Variants in HTR1F observed in about 807,000 individuals in gnomAD.
The protein encoded by HTR1F is 5-hydroxytryptamine receptor 1F.
In HTR1F, 17 loss-of-function variants were observed where a neutral mutation model predicts 24.0. The observed-to-expected ratio is 0.71, with a 90% CI of 0.48 to 1.06. The LOEUF is 1.06. HTR1F is among the 50% of genes least tolerant of loss of function. HTR1F has a pLI of 0.00. For synonymous variants in HTR1F, 186 were observed against 156.8 expected, an observed-to-expected ratio of 1.19 and a Z score of -1.39; for missense variants, 391 against 427.8, an observed-to-expected ratio of 0.91 and a Z score of 0.76.
chr3:87,929,983 T>C (rs1704222187), intron 2 of HTR1F, among the ~76,000 whole-genome samples: 1 of 152,196 alleles, frequency 6.6e-6, no homozygotes, highest in Admixed American at 6.5e-5. Context: ...CTTTGAGCAG[T>C]GTTTTGTAGT....
chr3:87,944,751 T>G (rs1173829199), intron 2 of HTR1F, among the ~76,000 whole-genome samples: 1 of 152,240 alleles, frequency 6.6e-6, no homozygotes, highest in Admixed American at 6.5e-5. Flanking sequence ...TGAGGTTTCC[T>G]CTAAAAGTTA....
intron 2 of HTR1F, among the ~76,000 whole-genome samples, chr3:87,877,788 C>G (rs1553670072): frequency 6.6e-6 from 1 of 152,112 alleles, no homozygotes; most frequent in African/African-American, 2.4e-5. Context: ...CAGGCTTGCA[C>G]AGAAGAAGAA....
chr3:87,792,706 G>T lies in HTR1F; in HGVS notation c.-296G>T, dbSNP rs993561580. ...GGGCGGCGCAAGACTTCCCCAGCGC[G>T]CAGTCAGCGTCGCGGCCCCGAAAGC... On this transcript the variant is annotated 5_prime_UTR_variant, in exon 1 of 3. Coordinates refer to ENST00000319595, the MANE Select transcript of HTR1F (RefSeq NM_001322209.2). Among the ~76,000 whole-genome samples, 2 of 152,226 alleles carry T rather than the reference G, an allele frequency of 1.3e-5. No homozygotes were observed. Among genetic ancestry groups the T allele is most frequent in the African/African-American group, 4.8e-5 (2 of 41,462 alleles).
intron 2 of HTR1F, among the ~76,000 whole-genome samples, chr3:87,839,101 T>G (rs1031023772): frequency 6.6e-6 from 1 of 151,846 alleles, no homozygotes; most frequent in African/African-American, 2.4e-5. Flanking sequence ...CTTTGATTGC[T>G]TGTGCATTTG....
chr3:87,960,692 G>A (rs1223856571), intron 2 of HTR1F, among the ~76,000 whole-genome samples: 1 of 151,924 alleles, frequency 6.6e-6, no homozygotes, highest in Admixed American at 6.6e-5. Context: ...CATGGTAAGT[G>A]CACAACAAAG....
At position 87,840,032 on chromosome 3, in the gene HTR1F, T is replaced by C. The variant is rs527653616; in HGVS notation, c.-43+17908T>C. Reference sequence around the variant, plus strand: ...CCGATGGACAGATGGAAACTTAGGTTGATTCCATGCCTTCACTATTGTGAT... The same window carrying C: ...CCGATGGACAGATGGAAACTTAGGTCGATTCCATGCCTTCACTATTGTGAT... On this transcript the variant is annotated intron_variant, in intron 2 of 2. Coordinates refer to ENST00000319595, the MANE Select transcript of HTR1F (RefSeq NM_001322209.2). Among the ~76,000 whole-genome samples, 7 of 152,312 alleles carry C rather than the reference T, an allele frequency of 4.6e-5. 1 individual carries two copies. The highest frequency in any genetic ancestry group is 1.7e-4 in the African/African-American group (7 of 41,586).
Position 87,868,056 on chromosome 3 carries a change from C to T in HTR1F, c.-43+45932C>T, listed in dbSNP as rs549831155. 3.4e-3 allele frequency among the ~76,000 whole-genome samples: 520 copies of T among 152,128 alleles called. 4 individuals are homozygous for T. Among genetic ancestry groups the T allele is most frequent in the Middle Eastern group, 0.01 (3 of 294 alleles). On this transcript the variant is annotated intron_variant, in intron 2 of 2. Coordinates refer to ENST00000319595, the MANE Select transcript of HTR1F (RefSeq NM_001322209.2). ...TTTTGTGTTTTCCTCCCTGTTATTT[C>T]TTAATGCACTACTAACAGTTGTCTC...
chr3:87,990,665 T>C, intron 2 of HTR1F, 43 bp from the exon 3 acceptor site: 1 of 984,132 alleles, frequency 1.0e-6, no homozygotes, highest in African/African-American at 1.6e-5. Context: ...AGAAAAGTTC[T>C]TGAAGCCTTC....
intron 2 of HTR1F, among the ~76,000 whole-genome samples, chr3:87,847,786 C>A (rs1469395537): frequency 2.6e-5 from 4 of 151,960 alleles, no homozygotes; most frequent in Non-Finnish European, 5.9e-5. Flanking sequence ...TGAGGGAAGG[C>A]AGGCAGTATT....
At chr3:87,869,410 T>C (rs1417467783) in intron 2 of HTR1F, among the ~76,000 whole-genome samples, 3 of 141,378 alleles carry the variant, frequency 2.1e-5, no homozygotes, top group Admixed American at 1.4e-4. Flanking sequence ...GATAGATAGA[T>C]AGATAGATAG....
At chr3:87,885,575 A>C (rs1705919657) in intron 2 of HTR1F, among the ~76,000 whole-genome samples, 4 of 151,192 alleles carry the variant, frequency 2.6e-5, no homozygotes, top group Admixed American at 2.6e-4. Flanking sequence ...GAAACAATCA[A>C]CAAAATTGAT....
chr3:87,912,913 C>T (rs554569377), intron 2 of HTR1F, among the ~76,000 whole-genome samples: 1 of 152,190 alleles, frequency 6.6e-6, no homozygotes, highest in South Asian at 2.1e-4. Context: ...TGGACCCCTT[C>T]CTTATGCCAC....
intron 2 of HTR1F, among the ~76,000 whole-genome samples, chr3:87,895,826 C>T (rs1228107106): frequency 2.0e-5 from 3 of 152,054 alleles, no homozygotes; most frequent in Admixed American, 6.6e-5. Context: ...TCTTTCTAAT[C>T]GTTCATAACA....
intron 2 of HTR1F, among the ~76,000 whole-genome samples, chr3:87,831,653 C>T (rs1451102056): frequency 1.3e-5 from 2 of 152,058 alleles, no homozygotes; most frequent in East Asian, 1.9e-4. Context: ...TGAGCCACTG[C>T]GCCCGGCCCA....
intron 2 of HTR1F, among the ~76,000 whole-genome samples, chr3:87,923,788 A>G (rs1295635648): frequency 3.3e-5 from 5 of 152,048 alleles, no homozygotes; most frequent in Non-Finnish European, 7.4e-5. Flanking sequence ...TATGTGATAT[A>G]TCACATTTAT....
At chr3:87,935,447 T>G (rs1468521104) in intron 2 of HTR1F, among the ~76,000 whole-genome samples, 2 of 151,412 alleles carry the variant, frequency 1.3e-5, no homozygotes, top group Non-Finnish European at 2.9e-5. Flanking sequence ...TCCACCAGGG[T>G]GAGGCTTCTG....
Position 87,802,272 on chromosome 3 carries a change from T to A in HTR1F, c.-160+9430T>A, listed in dbSNP as rs182320685. Among the ~76,000 whole-genome samples the A allele has an allele frequency of 3.6e-5, 2 of 56,288 alleles. 1 individual carries two copies. Among genetic ancestry groups the A allele is most frequent in the African/African-American group, 3.1e-4 (2 of 6,474 alleles). The allele number at this position is 56,288 out of a possible 152,430, so 36.9% of individuals were successfully genotyped here. ...TCCTTCCTTCTTTTTCTTTCTTTCC[T>A]TCCCTTCTTCCCTCCCTCCCTCCCT... On this transcript the variant is annotated intron_variant, in intron 1 of 2. Transcript: ENST00000319595.
At chr3:87,806,400 T>A (rs540676759) in intron 1 of HTR1F, among the ~76,000 whole-genome samples, 2 of 152,216 alleles carry the variant, frequency 1.3e-5, no homozygotes, top group Admixed American at 6.5e-5. Context: ...CCAGCATCTG[T>A]AATTTTTTGT....
At chr3:87,877,752 T>C (rs1440077845) in intron 2 of HTR1F, among the ~76,000 whole-genome samples, 1 of 152,178 alleles carries the variant, frequency 6.6e-6, no homozygotes, top group Admixed American at 6.6e-5. Flanking sequence ...ATACTGTACA[T>C]GGAGGATGAG....
Sources: gnomAD v4.1 joint callset for allele counts (sites outside exome capture counted in the v4.1 genomes callset) on GRCh38, gnomAD v4.1.1 for gene constraint, MANE v1.5 for transcripts, NCBI Gene and HGNC (gene_info 2026-07-23, HGNC 2026-07-21) for gene names.